Variants in MET observed in about 807,000 individuals in gnomAD.
MET encodes the protein MET proto-oncogene, receptor tyrosine kinase.
Under a neutral mutation model 133.1 loss-of-function variants are expected in MET, and 48 were observed. That is an observed-to-expected ratio of 0.36 (90% CI 0.29 to 0.46). MET has a LOEUF of 0.46. Among genes scored for constraint, MET ranks in the 20% least tolerant of loss-of-function variants. The pLI, the probability that MET is intolerant of heterozygous loss-of-function variation, is 1.00. For synonymous variants in MET, 628 were observed against 616.5 expected (o/e 1.02, Z -0.28); for missense variants, 1,442 against 1,695.9 (o/e 0.85, Z 2.63).
intron 2 of MET, among the ~76,000 whole-genome samples, chr7:116,716,136 C>T (rs1224204381): frequency 6.6e-6 from 1 of 151,948 alleles, no homozygotes; most frequent in Non-Finnish European, 1.5e-5. Context: ...CCTGTAGTCC[C>T]AGCTACTCTG....
intron 2 of MET, among the ~76,000 whole-genome samples, chr7:116,709,337 A>T (rs1400768221): frequency 1.3e-5 from 2 of 152,218 alleles, no homozygotes; most frequent in Admixed American, 6.6e-5. Context: ...CAAATCATAA[A>T]CAATAGTGTT....
chr7:116,742,568 G>T (rs1437118480), intron 5 of MET, among the ~76,000 whole-genome samples: 1 of 152,138 alleles, frequency 6.6e-6, no homozygotes, highest in Non-Finnish European at 1.5e-5. Context: ...AAAGAAAATG[G>T]TTTGATAACC....
rs369639118 is a variant in MET at position 116,731,832 on chromosome 7, T to G, written c.1365T>G (p.Leu455=). 6.2e-6 allele frequency: 10 copies of G among 1,614,008 alleles called. No homozygotes were observed. The highest frequency in any genetic ancestry group is 8.5e-6 in the Non-Finnish European group (10 of 1,179,966). The change falls in exon 3 of 21, where the codon CTT becomes CTG. Residue 455 remains leucine (L), a synonymous_variant. Coordinates refer to ENST00000397752, the MANE Select transcript of MET (RefSeq NM_000245.4). Reference sequence around the variant, plus strand: ...AAGGAGACCTCACCATAGCTAATCTTGGGACATCAGAGGGTCGCTTCATGC... The same window carrying G: ...AAGGAGACCTCACCATAGCTAATCTGGGGACATCAGAGGGTCGCTTCATGC... The part of the protein sequence containing the change: ...FIKGDLTIAN[L]GTSEGRFMQV...
intron 2 of MET, among the ~76,000 whole-genome samples, chr7:116,704,404 C>A (rs1213241942): frequency 1.3e-5 from 2 of 152,036 alleles, no homozygotes; most frequent in Non-Finnish European, 2.9e-5. Context: ...ATAGTGTGGA[C>A]AAGTATATTA....
chr7:116,775,249 TCTATAGAAATGTAGCC>T, intron 15 of MET, 138 bp downstream of exon 15: 1 of 823,238 alleles, frequency 1.2e-6, no homozygotes, highest in Non-Finnish European at 2.0e-6. Context: ...TGATTTCTGT[TCTATAGAAATGTAGCC>T]CTGTAAATCA....
chr7:116,735,852 C>A (rs1202483224), intron 3 of MET, among the ~76,000 whole-genome samples: 2 of 149,088 alleles, frequency 1.3e-5, no homozygotes, highest in African/African-American at 2.5e-5. Context: ...TCTTGGCTCA[C>A]TGTAACCCCC....
Position 116,769,721 on chromosome 7 carries a change from T to C in MET, c.2660T>C (p.Leu887Ser). 6.2e-7 allele frequency: 1 copy of C among 1,613,848 alleles called. No individual in the cohort carries two copies. Among genetic ancestry groups the C allele is most frequent in the South Asian group, 1.1e-5 (1 of 91,064 alleles). The change falls in exon 12 of 21, where the codon TTA becomes TCA. Residue 887 changes from leucine to serine, a missense_variant. Physicochemically the swap from Leu to Ser is moderately radical, Grantham distance 145 (BLOSUM62 -2). Coordinates refer to ENST00000397752, the MANE Select transcript of MET (RefSeq NM_000245.4). ...AATAAGAGCTGTGAGAATATACACT[T>C]ACATTCTGAAGCCGTTTTATGCACG... ...VGNKSCENIHLHSEAVLCTVP... is the reference protein window; with the variant it reads ...VGNKSCENIHSHSEAVLCTVP...
chr7:116,700,321 G>A (rs764487179), intron 2 of MET, 37 bp downstream of exon 2: 7 of 1,580,856 alleles, frequency 4.4e-6, no homozygotes, highest in South Asian at 1.2e-5. Context: ...AAACTGTGAG[G>A]TATAAATTAG....
intron 2 of MET, among the ~76,000 whole-genome samples, chr7:116,716,404 T>TGAAA (rs768265505): frequency 4.2e-5 from 3 of 71,120 alleles, no homozygotes; most frequent in South Asian, 7.9e-4. Context: ...AAGAGAAATA[T>TGAAA]GAAAGAAAGA....
intron 3 of MET, among the ~76,000 whole-genome samples, chr7:116,737,671 G>C (rs1793272827): frequency 6.6e-6 from 1 of 152,172 alleles, no homozygotes. Context: ...GGCACAATAT[G>C]TGACTCAGTT....
intron 1 of MET, among the ~76,000 whole-genome samples, chr7:116,695,121 G>A (rs1233566622): frequency 6.6e-6 from 1 of 152,046 alleles, no homozygotes; most frequent in Non-Finnish European, 1.5e-5. Context: ...AATTTCTACA[G>A]AAAATACAGC....
rs576983482 is a variant in MET, at chr7:116,726,065, G to C, written c.1201-5603G>C. On this transcript the variant is annotated intron_variant, in intron 2 of 20. Transcript: ENST00000397752. Reference sequence around the variant, plus strand: ...AAAAAGAAACTAAAACAATAAGATAGAATCTTATGGGACCACCATAATATA... The same window carrying C: ...AAAAAGAAACTAAAACAATAAGATACAATCTTATGGGACCACCATAATATA... Among the ~76,000 whole-genome samples the C allele has an allele frequency of 1.8e-4, 24 of 133,822 alleles. No homozygotes were observed. The South Asian group carries it at 5.9e-3, about 33-fold the overall frequency. The allele number at this position is 133,822 out of a possible 152,430, so 87.8% of individuals were successfully genotyped here.
intron 5 of MET, among the ~76,000 whole-genome samples, chr7:116,743,508 T>C (rs1394556471): frequency 1.3e-5 from 2 of 152,232 alleles, no homozygotes; most frequent in Non-Finnish European, 2.9e-5. Context: ...CACAGCAGTC[T>C]GAAGTTGACC....
chr7:116,726,178 TGGGATATAAAACAA>T, intron 2 of MET, among the ~76,000 whole-genome samples: 1 of 3,592 alleles, frequency 2.8e-4, no homozygotes, highest in Admixed American at 3.1e-3. Context: ...TATATATATA[TGGGATATAAAACAA>T]ATACTCATAT....
chr7:116,758,386 AT>A, intron 8 of MET, 72 bp from the exon 9 acceptor site: 1 of 1,449,100 alleles, frequency 6.9e-7, no homozygotes, highest in East Asian at 2.3e-5. Context: ...TATCCTTTTG[AT>A]TTGTGGATAT....
chr7:116,712,958 A>G (rs1452066232), intron 2 of MET, among the ~76,000 whole-genome samples: 1 of 152,184 alleles, frequency 6.6e-6, no homozygotes, highest in Non-Finnish European at 1.5e-5. Flanking sequence ...ACCATCTGTA[A>G]GAGGGACTTT....
At chr7:116,757,300 AATGC>A (rs1794214049) in intron 6 of MET, 133 bp from the exon 7 acceptor site, 1 of 732,100 alleles carries the variant, frequency 1.4e-6, no homozygotes, top group East Asian at 2.7e-5. Context: ...TTTTGGCCTT[AATGC>A]TTATCTTGAA....
intron 17 of MET, 30 bp downstream of exon 17, chr7:116,778,987 C>T (rs1795075053): frequency 6.2e-7 from 1 of 1,611,340 alleles, no homozygotes; most frequent in East Asian, 2.2e-5. Flanking sequence ...TACTAACTGG[C>T]AAACTAGCTG....
chr7:116,709,042 T>C (rs1791898482), intron 2 of MET, among the ~76,000 whole-genome samples: 1 of 152,164 alleles, frequency 6.6e-6, no homozygotes, highest in African/African-American at 2.4e-5. Context: ...CATTTCCTTC[T>C]CATGAGAATC....
Sources: gnomAD v4.1 joint callset for allele counts (sites outside exome capture counted in the v4.1 genomes callset) on GRCh38, gnomAD v4.1.1 for gene constraint, MANE v1.5 for transcripts, NCBI Gene and HGNC (gene_info 2026-07-23, HGNC 2026-07-21) for gene names.